The following PTPRK variants were observed in gnomAD, a reference collection of about 807,000 sequenced individuals.
The protein encoded by PTPRK is receptor-type tyrosine-protein phosphatase kappa.
PTPRK carries 75 observed loss-of-function variants against 178.0 expected under a neutral mutation model. The ratio of observed to expected loss-of-function variants is 0.42; its 90% CI spans 0.35 to 0.51. The LOEUF is 0.51. Ranked by LOEUF, PTPRK falls within the 20% of genes least tolerant of loss-of-function variation. The pLI is 0.02. For missense variants in PTPRK, 1,441 were observed against 1,797.8 expected, an observed-to-expected ratio of 0.80 and a Z score of 3.59; for synonymous variants, 637 against 620.6, an observed-to-expected ratio of 1.03 and a Z score of -0.39.
At chr6:128,507,789 C>T (rs900156286) in intron 1 of PTPRK, among the ~76,000 whole-genome samples, 4 of 152,142 alleles carry the variant, frequency 2.6e-5, no homozygotes, top group Non-Finnish European at 5.9e-5. Flanking sequence ...GTCTAAGAGG[C>T]TGTCCACCAA....
intron 13 of PTPRK, among the ~76,000 whole-genome samples, chr6:128,021,627 G>A (rs953365808): frequency 1.3e-5 from 2 of 152,086 alleles, no homozygotes; most frequent in Admixed American, 1.3e-4. Context: ...GTATCAGAGC[G>A]AGACTCCGTC....
intron 5 of PTPRK, among the ~76,000 whole-genome samples, chr6:128,225,893 T>C (rs986724709): frequency 1.3e-5 from 2 of 152,116 alleles, no homozygotes; most frequent in African/African-American, 4.8e-5. Flanking sequence ...AAAGAGGTGG[T>C]GAATATTATA....
At chr6:128,321,673 G>T (rs150396595) in intron 3 of PTPRK, 19 of 630,144 alleles carry the variant, frequency 3.0e-5, no homozygotes, top group Non-Finnish European at 4.2e-5. Flanking sequence ...AACTCAAAAA[G>T]GCTATTTCTT....
intron 2 of PTPRK, among the ~76,000 whole-genome samples, chr6:128,326,375 C>A (rs17055689): frequency 6.6e-6 from 1 of 151,854 alleles, no homozygotes; most frequent in Non-Finnish European, 1.5e-5. Flanking sequence ...CTAAATAAAC[C>A]ATCAGGTATG....
chr6:128,235,115 C>A (rs1812991784), intron 5 of PTPRK, among the ~76,000 whole-genome samples: 1 of 152,012 alleles, frequency 6.6e-6, no homozygotes, highest in African/African-American at 2.4e-5. Context: ...AAAAATATCA[C>A]ATGTACCCCA....
At chr6:128,333,522 T>G (rs1275017753) in intron 2 of PTPRK, among the ~76,000 whole-genome samples, 1 of 123,492 alleles carries the variant, frequency 8.1e-6, no homozygotes, top group African/African-American at 3.0e-5. Context: ...ATATATACCT[T>G]AATTTTAGAA....
chr6:128,152,856 G>A (rs751047158), intron 7 of PTPRK, among the ~76,000 whole-genome samples: 7 of 151,966 alleles, frequency 4.6e-5, no homozygotes, highest in Non-Finnish European at 1.0e-4. Context: ...CAAAGGGGGA[G>A]CAACTTGCGG....
chr6:128,256,475 G>C (rs556458099), intron 3 of PTPRK, among the ~76,000 whole-genome samples: 1 of 148,512 alleles, frequency 6.7e-6, no homozygotes, highest in African/African-American at 2.5e-5. Context: ...ATGGAGTCTC[G>C]TTCTGTTGCC....
intron 7 of PTPRK, among the ~76,000 whole-genome samples, chr6:128,160,387 T>G (rs186734702): frequency 1.3e-5 from 2 of 151,716 alleles, no homozygotes; most frequent in Non-Finnish European, 3.0e-5. Context: ...TGGATGATAA[T>G]GAACAAAAGT....
chr6:128,429,890 C>A (rs1447728514), intron 1 of PTPRK, among the ~76,000 whole-genome samples: 2 of 152,032 alleles, frequency 1.3e-5, no homozygotes, highest in East Asian at 3.9e-4. Flanking sequence ...ATCATCAATG[C>A]AATATAAAGT....
At chr6:128,068,178 T>C (rs1782163374) in intron 11 of PTPRK, among the ~76,000 whole-genome samples, 3 of 152,206 alleles carry the variant, frequency 2.0e-5, no homozygotes, top group Admixed American at 6.5e-5. Flanking sequence ...GAAATGATAT[T>C]ACAGAAAGTC....
intron 3 of PTPRK, among the ~76,000 whole-genome samples, chr6:128,271,062 A>G (rs186191724): frequency 6.6e-6 from 1 of 151,328 alleles, no homozygotes; most frequent in African/African-American, 2.4e-5. Context: ...TGAAGGTATT[A>G]AAAAAAAAGG....
intron 2 of PTPRK, among the ~76,000 whole-genome samples, chr6:128,335,234 A>T (rs1003283210): frequency 6.6e-6 from 1 of 152,168 alleles, no homozygotes; most frequent in African/African-American, 2.4e-5. Context: ...TGGAACAGAT[A>T]AATGTCTTAG....
intron 13 of PTPRK, among the ~76,000 whole-genome samples, chr6:128,060,467 T>C (rs1780621116): frequency 6.6e-6 from 1 of 152,170 alleles, no homozygotes; most frequent in African/African-American, 2.4e-5. Context: ...GAAGTAATAA[T>C]AGCTAGATTC....
chr6:128,122,249 A>C (rs1792594790), intron 7 of PTPRK, among the ~76,000 whole-genome samples: 1 of 152,158 alleles, frequency 6.6e-6, no homozygotes, highest in South Asian at 2.1e-4. Flanking sequence ...ACATGTGTGC[A>C]TGTATAGGGG....
chr6:128,292,067 G>A (rs1448571017), intron 3 of PTPRK, among the ~76,000 whole-genome samples: 1 of 151,046 alleles, frequency 6.6e-6, no homozygotes, highest in Admixed American at 6.6e-5. Context: ...GGTATCATCA[G>A]CTACCAATAA....
intron 5 of PTPRK, among the ~76,000 whole-genome samples, chr6:128,219,784 G>A (rs1810061499): frequency 6.6e-6 from 1 of 152,168 alleles, no homozygotes; most frequent in Non-Finnish European, 1.5e-5. Flanking sequence ...TGCCTGTGCT[G>A]TAGTATGTTT....
chr6:128,012,766 A>AC (rs1779189371), intron 13 of PTPRK, among the ~76,000 whole-genome samples: 1 of 151,490 alleles, frequency 6.6e-6, no homozygotes. Flanking sequence ...AACTATCTTA[A>AC]TAGCTGTGAT....
chr6:128,453,788 G>T (rs1036111408), intron 1 of PTPRK, among the ~76,000 whole-genome samples: 2 of 152,152 alleles, frequency 1.3e-5, no homozygotes, highest in African/African-American at 2.4e-5. Context: ...CAAGCTGCAT[G>T]TAAGAATCAC....
Sources: allele counts gnomAD v4.1 joint callset (sites outside exome capture counted in the v4.1 genomes callset), GRCh38; gene constraint gnomAD v4.1.1; transcripts MANE v1.5; gene names NCBI Gene and HGNC (gene_info 2026-07-23, HGNC 2026-07-21).